Variants in SYBU observed in about 807,000 individuals in gnomAD.
The protein encoded by SYBU is syntabulin, also known as GOLSYN A protein.
A neutral mutation model predicts 35.9 loss-of-function variants in SYBU; 21 were observed. That is an observed-to-expected ratio of 0.58 (90% CI 0.41 to 0.84). The LOEUF is 0.84. Among genes scored for constraint, SYBU ranks in the 40% least tolerant of loss-of-function variants. The pLI is 0.00. For missense variants in SYBU, 768 were observed against 848.2 expected (o/e 0.91, Z 1.17); for synonymous variants, 319 against 324.3 (o/e 0.98, Z 0.18).
At chr8:109,653,776 ACT>A (rs2130724224) in intron 1 of SYBU, among the ~76,000 whole-genome samples, 2 of 151,872 alleles carry the variant, frequency 1.3e-5, no homozygotes, top group South Asian at 4.2e-4. Context: ...TATTAAGAGA[ACT>A]CTCTCAATCT....
intron 1 of SYBU, among the ~76,000 whole-genome samples, chr8:109,668,903 C>T (rs1230273918): frequency 1.3e-5 from 2 of 152,090 alleles, no homozygotes; most frequent in Non-Finnish European, 2.9e-5. Context: ...TTAATTCAAT[C>T]ATGTTAAATT....
At chr8:109,666,261 TC>T (rs1295190184) in intron 1 of SYBU, among the ~76,000 whole-genome samples, 2 of 152,126 alleles carry the variant, frequency 1.3e-5, no homozygotes, top group Non-Finnish European at 2.9e-5. Context: ...TTTCTGAACC[TC>T]GACACTATTA....
In SYBU at chr8:109,618,934, G is replaced by A. The variant is rs775196031; in HGVS notation, c.335C>T (p.Thr112Ile). 3.7e-6 allele frequency: 6 copies of A among 1,613,962 alleles called. No individual in the cohort carries two copies. The highest frequency in any genetic ancestry group is 2.7e-5 in the African/African-American group (2 of 74,896). Residue 112 changes from threonine (T) to isoleucine (I), a missense_variant, in exon 3 of 7, where the codon ACC becomes ATC. Transcript: ENST00000276646. ...CATTCCAATCGTGCATTTCTTTCTGGTGAAGCCTTCATCACTTCCAGGGCA... is the reference window on the plus strand; with the variant it reads ...CATTCCAATCGTGCATTTCTTTCTGATGAAGCCTTCATCACTTCCAGGGCA... ...GFCPGSDEGFTRKKCTIGMVG... is the reference protein window; with the variant it reads ...GFCPGSDEGFIRKKCTIGMVG...
chr8:109,648,531 G>A (rs1815949405), upstream of SYBU, among the ~76,000 whole-genome samples: 1 of 151,776 alleles, frequency 6.6e-6, no homozygotes. Context: ...TCTGAGACCA[G>A]ATAACTGAAA....
upstream of SYBU, chr8:109,645,109 T>A: frequency 2.1e-6 from 1 of 465,386 alleles, no homozygotes; most frequent in Non-Finnish European, 4.3e-6. Flanking sequence ...TTTTTGCACT[T>A]GATCTCAGGT....
chr8:109,685,366 T>A (rs1320941591), upstream of SYBU, among the ~76,000 whole-genome samples: 2 of 152,224 alleles, frequency 1.3e-5, no homozygotes, highest in African/African-American at 4.8e-5. Flanking sequence ...TAGCTGTAAA[T>A]CAACATCATC....
chr8:109,603,673 A>C (rs1825782637), intron 3 of SYBU, among the ~76,000 whole-genome samples: 1 of 152,224 alleles, frequency 6.6e-6, no homozygotes, highest in African/African-American at 2.4e-5. Flanking sequence ...TAGGACCATC[A>C]AAGAGTGTTT....
intron 1 of SYBU, among the ~76,000 whole-genome samples, chr8:109,675,543 A>T (rs1817155636): frequency 6.6e-6 from 1 of 152,214 alleles, no homozygotes; most frequent in Non-Finnish European, 1.5e-5. Flanking sequence ...TACAGAAGAA[A>T]TGGATAAATT....
At chr8:109,596,909 C>A (rs555523561) in intron 3 of SYBU, among the ~76,000 whole-genome samples, 1 of 152,282 alleles carries the variant, frequency 6.6e-6, no homozygotes, top group South Asian at 2.1e-4. Flanking sequence ...TGTGGATCAC[C>A]TGTCCTTACA....
chr8:109,679,033 G>A (rs1181070731), intron 1 of SYBU, among the ~76,000 whole-genome samples: 2 of 152,072 alleles, frequency 1.3e-5, no homozygotes, highest in African/African-American at 4.8e-5. Flanking sequence ...AACAGGATGC[G>A]GTAAAGAAGC....
At chr8:109,671,067 T>C (rs1307927150) in intron 1 of SYBU, among the ~76,000 whole-genome samples, 2 of 152,200 alleles carry the variant, frequency 1.3e-5, no homozygotes, top group African/African-American at 2.4e-5. Context: ...TTTTTTCTAA[T>C]TTATAGCATA....
intron 1 of SYBU, among the ~76,000 whole-genome samples, chr8:109,655,730 C>T (rs936894840): frequency 1.3e-5 from 2 of 152,280 alleles, no homozygotes; most frequent in African/African-American, 4.8e-5. Flanking sequence ...TTACAAGACA[C>T]TGTCATTTAT....
intron 1 of SYBU, among the ~76,000 whole-genome samples, chr8:109,662,363 C>T (rs1816593322): frequency 1.3e-5 from 2 of 152,162 alleles, no homozygotes; most frequent in African/African-American, 4.8e-5. Context: ...TTCATCAGTG[C>T]TCAAAACCCT....
In SYBU at chr8:109,580,013, A is replaced by T; in HGVS notation, c.531-11T>A. Reference sequence around the variant, plus strand: ...CCATGAGGACCTCGACTGGGAGAAAAGAATGAAAAATGTTAAAATTCTTGG... The same window carrying T: ...CCATGAGGACCTCGACTGGGAGAAATGAATGAAAAATGTTAAAATTCTTGG... On this transcript the variant is annotated splice_polypyrimidine_tract_variant and intron_variant, in intron 4 of 6. Transcript: ENST00000276646. 2 of 1,611,330 alleles carry T rather than the reference A, an allele frequency of 1.2e-6. No individual in the cohort carries two copies. Among genetic ancestry groups the T allele is most frequent in the Non-Finnish European group, 1.7e-6 (2 of 1,179,014 alleles).
chr8:109,605,705 A>T (rs896661441), intron 3 of SYBU, among the ~76,000 whole-genome samples: 1 of 152,224 alleles, frequency 6.6e-6, no homozygotes, highest in African/African-American at 2.4e-5. Flanking sequence ...TTTGGCTCAG[A>T]TGTCACACAG....
chr8:109,638,680 C>T (rs1309288776), intron 2 of SYBU, among the ~76,000 whole-genome samples: 1 of 152,098 alleles, frequency 6.6e-6, no homozygotes. Context: ...TTGCTGTGCA[C>T]ATAAAATAGG....
At chr8:109,668,310 TG>T (rs1407593948) in intron 1 of SYBU, among the ~76,000 whole-genome samples, 1 of 152,104 alleles carries the variant, frequency 6.6e-6, no homozygotes, top group African/African-American at 2.4e-5. Flanking sequence ...ACCATTTTGT[TG>T]CTAGTGTTTT....
rs1011121678 is a variant in SYBU, at chr8:109,644,727, G to A, written c.-68C>T. 3 of 1,407,290 alleles carry A rather than the reference G, an allele frequency of 2.1e-6. No individual in the cohort carries two copies. The highest frequency in any genetic ancestry group is 1.5e-5 in the African/African-American group (1 of 66,094). 87.2% of individuals were successfully genotyped at this position (1,407,290 alleles called of 1,614,324 possible). On this transcript the variant is annotated 5_prime_UTR_variant, in exon 1 of 7. Coordinates refer to ENST00000276646, the MANE Select transcript of SYBU (RefSeq NM_001099754.2). ...TCCAGGAGGAGGCACCTGCGAGCAC[G>A]GAGCGAGGAGACTGCGCTGAGCCGG...
At chr8:109,585,337 C>G (rs1162000744) in intron 4 of SYBU, among the ~76,000 whole-genome samples, 1 of 152,220 alleles carries the variant, frequency 6.6e-6, no homozygotes, top group African/African-American at 2.4e-5. Flanking sequence ...GCTCCATGCT[C>G]TGACTCAGCA....
Sources: allele counts gnomAD v4.1 joint callset (sites outside exome capture counted in the v4.1 genomes callset), GRCh38; gene constraint gnomAD v4.1.1; transcripts MANE v1.5; gene names NCBI Gene and HGNC (gene_info 2026-07-23, HGNC 2026-07-21).